The following CFAP107 variants were observed in gnomAD, a reference collection of about 807,000 sequenced individuals.
CFAP107 encodes the protein cilia- and flagella-associated protein 107.
chr1:12,761,149 A>AAT, the CFAP107 span: 1 of 550,142 alleles, frequency 1.8e-6, no homozygotes, highest in Non-Finnish European at 3.2e-6. Flanking sequence ...TCCATCCAAC[A>AAT]ATTAAAGATC....
At chr1:12,755,633 AG>A in the CFAP107 span, 1 of 1,062,818 alleles carries the variant, frequency 9.4e-7, no homozygotes, top group Admixed American at 1.7e-5. Context: ...CCAGGAGGTA[AG>A]GGGACCCAGC....
At chr1:12,748,708 C>T in the CFAP107 span, among the ~76,000 whole-genome samples, 3 of 151,832 alleles carry the variant, frequency 2.0e-5, no homozygotes, top group African/African-American at 7.3e-5. Context: ...AGTGGCCCAT[C>T]CAAAGGAAGA....
At chr1:12,759,649 C>A in the CFAP107 span, 2 of 792,002 alleles carry the variant, frequency 2.5e-6, no homozygotes, top group Non-Finnish European at 4.2e-6. Flanking sequence ...ACCCTCAGGG[C>A]TGCCTCCTGT....
At chr1:12,761,111 C>G in the CFAP107 span, 3 of 623,622 alleles carry the variant, frequency 4.8e-6, no homozygotes, top group East Asian at 5.8e-5. Flanking sequence ...TACCTGTCCC[C>G]CCTCAAAACC....
the CFAP107 span, chr1:12,759,283 A>G: frequency 8.1e-6 from 13 of 1,609,206 alleles, no homozygotes; most frequent in Admixed American, 5.0e-5. Context: ...CCTATCAGTA[A>G]CGAGCCCACT....
chr1:12,748,095 C>G, the CFAP107 span, among the ~76,000 whole-genome samples: 2 of 152,192 alleles, frequency 1.3e-5, no homozygotes, highest in African/African-American at 4.8e-5. Context: ...CAGCACAGCA[C>G]AGCATAGTCT....
chr1:12,752,217 A>G, the CFAP107 span, among the ~76,000 whole-genome samples: 4 of 152,194 alleles, frequency 2.6e-5, no homozygotes, highest in Non-Finnish European at 5.9e-5. Flanking sequence ...AGCAAATAGT[A>G]GAAACCCCCA....
chr1:12,749,501 C>T, the CFAP107 span, among the ~76,000 whole-genome samples: 3 of 152,156 alleles, frequency 2.0e-5, no homozygotes, highest in African/African-American at 7.2e-5. Flanking sequence ...GTCCTAGCTA[C>T]TCAGGAGGCT....
At chr1:12,758,226 A>AG in the CFAP107 span, among the ~76,000 whole-genome samples, 1 of 152,110 alleles carries the variant, frequency 6.6e-6, no homozygotes, top group Non-Finnish European at 1.5e-5. Flanking sequence ...CTCCTTTCAA[A>AG]GGTAGCTGTC....
the CFAP107 span, among the ~76,000 whole-genome samples, chr1:12,752,550 CTG>C: frequency 0.023 from 2,128 of 92,930 alleles, 35 homozygotes; most frequent in South Asian, 0.086. Flanking sequence ...CTGGCCGACT[CTG>C]TCTAAAAAAA....
chr1:12,755,650 T>C, the CFAP107 span: 1 of 1,303,022 alleles, frequency 7.7e-7, no homozygotes, highest in Non-Finnish European at 1.1e-6. Context: ...CCAGCAGAAG[T>C]TTGAGAAGTG....
chr1:12,747,314 C>T, the CFAP107 span, among the ~76,000 whole-genome samples: 10 of 152,182 alleles, frequency 6.6e-5, no homozygotes, highest in East Asian at 9.7e-4. Flanking sequence ...AGTGATGTGC[C>T]GACCTTGGCT....
chr1:12,757,139 C>T, the CFAP107 span, among the ~76,000 whole-genome samples: 1 of 152,148 alleles, frequency 6.6e-6, no homozygotes, highest in Non-Finnish European at 1.5e-5. Context: ...CAGCCTCTAA[C>T]CATCCATGTA....
the CFAP107 span, among the ~76,000 whole-genome samples, chr1:12,758,806 T>G: frequency 1.6e-4 from 24 of 152,340 alleles, no homozygotes; most frequent in South Asian, 5.0e-3. Context: ...CTGAGCAAGC[T>G]GTAAATCCTG....
At chr1:12,759,348 GC>G in the CFAP107 span, 2 of 1,613,934 alleles carry the variant, frequency 1.2e-6, no homozygotes, top group Admixed American at 1.7e-5. Context: ...ACCACCAGGA[GC>G]CCCCACATCG....
chr1:12,759,759 C>G, the CFAP107 span: 114 of 542,724 alleles, frequency 2.1e-4, no homozygotes, highest in South Asian at 2.2e-3. Flanking sequence ...GAGCAACATC[C>G]ACGCATCCTT....
At chr1:12,758,683 G>A in the CFAP107 span, among the ~76,000 whole-genome samples, 16 of 152,148 alleles carry the variant, frequency 1.1e-4, no homozygotes, top group Admixed American at 2.0e-4. Context: ...GGCCCAAGAG[G>A]ATTTTCTTAG....
At chr1:12,759,885 G>A in the CFAP107 span, among the ~76,000 whole-genome samples, 2 of 152,112 alleles carry the variant, frequency 1.3e-5, no homozygotes, top group Non-Finnish European at 2.9e-5. Flanking sequence ...CATTCCAGGG[G>A]GGAAACAGAT....
chr1:12,748,038 A>G, the CFAP107 span, among the ~76,000 whole-genome samples: 5 of 152,238 alleles, frequency 3.3e-5, no homozygotes, highest in South Asian at 2.1e-4. Context: ...TTCAAAATGA[A>G]TAGGAAATTC....
Sources: allele counts gnomAD v4.1 joint callset (sites outside exome capture counted in the v4.1 genomes callset), GRCh38; gene constraint gnomAD v4.1.1; transcripts MANE v1.5; gene names NCBI Gene and HGNC (gene_info 2026-07-23, HGNC 2026-07-21).